Variants in RIMKLB observed in about 807,000 individuals in gnomAD.
RIMKLB encodes beta-citrylglutamate synthase B.
In RIMKLB, 7 loss-of-function variants were observed where a neutral mutation model predicts 32.0. The ratio of observed to expected loss-of-function variants is 0.22; its 90% CI spans 0.12 to 0.41. The LOEUF is 0.41. Among genes scored for constraint, RIMKLB ranks in the 10% least tolerant of loss-of-function variants. The pLI, the probability that RIMKLB is intolerant of heterozygous loss-of-function variation, is 1.00. For synonymous variants in RIMKLB, 172 were observed against 185.1 expected (o/e 0.93, Z 0.57); for missense variants, 289 against 498.7 (o/e 0.58, Z 4.00).
rs185995918 is a variant in RIMKLB at position 8,762,751 on chromosome 12, G to C, written c.697+8658G>C. Among the ~76,000 whole-genome samples the C allele has an allele frequency of 3.5e-3, 539 of 152,298 alleles. 1 individual carries two copies. The highest frequency in any genetic ancestry group is 5.6e-3 in the Non-Finnish European group (381 of 68,020). On this transcript the variant is annotated intron_variant, in intron 5 of 5. Coordinates refer to ENST00000535829, the MANE Select transcript of RIMKLB (RefSeq NM_001297776.2). ...CCAGCTGAGCGCTAGTTCCTGGAGT[G>C]AGGGGGTTACTTTGAAGTATTCCAT... is the stretch of plus-strand genomic sequence containing the variant.
intron 2 of RIMKLB, among the ~76,000 whole-genome samples, chr12:8,715,228 C>CCTTTTTTTTTTTTTTTTTTTTT (rs1445737752): frequency 4.0e-5 from 5 of 123,740 alleles, no homozygotes; most frequent in African/African-American, 1.6e-4. Context: ...TGCTCTTGTT[C>CCTTTTTTTTTTTTTTTTTTTTT]TTTTTTTTTT....
intron 2 of RIMKLB, among the ~76,000 whole-genome samples, chr12:8,741,255 A>G (rs536802147): frequency 2.7e-5 from 4 of 149,948 alleles, no homozygotes; most frequent in African/African-American, 5.0e-5. Flanking sequence ...GTGTGTGTCT[A>G]TGGTCTTGGC....
chr12:8,720,545 C>G (rs753780739), intron 2 of RIMKLB, among the ~76,000 whole-genome samples: 1 of 151,892 alleles, frequency 6.6e-6, no homozygotes, highest in Non-Finnish European at 1.5e-5. Context: ...CATTATCCCT[C>G]GTGTGTGTGT....
chr12:8,670,581 A>G, the RIMKLB span, among the ~76,000 whole-genome samples: 13 of 152,266 alleles, frequency 8.5e-5, no homozygotes, highest in African/African-American at 3.1e-4. Context: ...TTTACAGAGT[A>G]CAGTCTCCCT....
chr12:8,716,223 A>AG (rs1222569349), intron 2 of RIMKLB, among the ~76,000 whole-genome samples: 3 of 152,162 alleles, frequency 2.0e-5, no homozygotes, highest in Non-Finnish European at 4.4e-5. Flanking sequence ...TAGGTTGAAA[A>AG]GGATCTAGGG....
intron 1 of RIMKLB, 120 bp from the exon 2 acceptor site, chr12:8,713,691 T>G (rs1663890046): frequency 1.6e-6 from 1 of 643,368 alleles, no homozygotes; most frequent in African/African-American, 1.8e-5. Flanking sequence ...ACAATATCTC[T>G]ACACGTGTTT....
intron 2 of RIMKLB, among the ~76,000 whole-genome samples, chr12:8,726,835 A>G (rs888903865): frequency 6.6e-6 from 1 of 152,142 alleles, no homozygotes. Flanking sequence ...TTAAATTAAC[A>G]TATCATGTTT....
At chr12:8,758,808 C>T (rs1034537189) in intron 5 of RIMKLB, among the ~76,000 whole-genome samples, 3 of 152,116 alleles carry the variant, frequency 2.0e-5, no homozygotes, top group Non-Finnish European at 4.4e-5. Flanking sequence ...TACTTTGTAA[C>T]GTGTTTAATT....
chr12:8,776,721 T>C lies in RIMKLB; in HGVS notation c.*2937T>C, dbSNP rs922889187. 3.0e-6 allele frequency: 3 copies of C among 985,272 alleles called. No homozygotes were observed. The highest frequency in any genetic ancestry group is 3.6e-6 in the Non-Finnish European group (3 of 829,902). 61.0% of individuals were successfully genotyped at this position (985,272 alleles called of 1,614,324 possible). A position where few individuals can be genotyped will look rare whatever the true frequency, so the allele number is the denominator to read the frequency against. ...AATTGATTGGTCATTTCTGCTGGCT[T>C]TTCTCCAATGAACATTGAAATCTTC... On this transcript the variant is annotated 3_prime_UTR_variant, in exon 6 of 6. Coordinates refer to ENST00000535829, the MANE Select transcript of RIMKLB (RefSeq NM_001297776.2).
intron 1 of RIMKLB, among the ~76,000 whole-genome samples, chr12:8,701,036 A>G (rs1203956567): frequency 6.6e-6 from 1 of 152,164 alleles, no homozygotes; most frequent in Non-Finnish European, 1.5e-5. Flanking sequence ...ACTGCACTCC[A>G]GCTTGGGCAA....
upstream of RIMKLB, among the ~76,000 whole-genome samples, chr12:8,693,244 C>T (rs972641838): frequency 1.3e-5 from 2 of 152,120 alleles, no homozygotes; most frequent in East Asian, 1.9e-4. Flanking sequence ...GAATCAGAGA[C>T]GTGGGGTTGA....
At chr12:8,685,579 G>A (rs1014705776) in intron 1 of RIMKLB, among the ~76,000 whole-genome samples, 2 of 148,060 alleles carry the variant, frequency 1.4e-5, no homozygotes, top group Admixed American at 6.6e-5. Flanking sequence ...AATATTTTGA[G>A]GATTTTTACA....
downstream of RIMKLB, chr12:8,779,197 C>T (rs1471883868): frequency 1.3e-5 from 2 of 152,202 alleles, no homozygotes; most frequent in Non-Finnish European, 2.9e-5. Context: ...AGTTAAACAA[C>T]CTCCAGTCAG....
chr12:8,750,112 T>A lies in RIMKLB; in HGVS notation c.406+20T>A. On this transcript the variant is annotated intron_variant, in intron 3 of 5. Coordinates refer to ENST00000535829, the MANE Select transcript of RIMKLB (RefSeq NM_001297776.2). Reference sequence around the variant, plus strand: ...CTTATGGTGAGCCTACTAAAGAGCATACATAGCCTGAATATTAACCACTGA... The same window carrying A: ...CTTATGGTGAGCCTACTAAAGAGCAAACATAGCCTGAATATTAACCACTGA... The A allele has an allele frequency of 6.9e-7, 1 of 1,456,984 alleles. No individual in the cohort carries two copies. The highest frequency in any genetic ancestry group is 9.6e-7 in the Non-Finnish European group (1 of 1,039,012). The allele number at this position is 1,456,984 out of a possible 1,614,324, so 90.3% of individuals were successfully genotyped here.
In RIMKLB at chr12:8,754,049, T is replaced by TA. The variant is rs760713274; in HGVS notation, c.654dup (p.Arg219ThrfsTer25). ...GGAGGCCGTGTGGTTGGCACCATGTTACGTTGTTCAACAGATGGGAGAATG... is the reference window on the plus strand; with the variant it reads ...GGAGGCCGTGTGGTTGGCACCATGTTAACGTTGTTCAACAGATGGGAGAATG... On this transcript the variant is annotated frameshift_variant, in exon 5 of 6. Coordinates refer to ENST00000535829, the MANE Select transcript of RIMKLB (RefSeq NM_001297776.2). LOFTEE classifies it high-confidence loss of function. The TA allele has an allele frequency of 6.2e-7, 1 of 1,614,026 alleles. No homozygotes were observed.
intron 5 of RIMKLB, among the ~76,000 whole-genome samples, chr12:8,771,547 A>T (rs1164438937): frequency 6.6e-6 from 1 of 152,214 alleles, no homozygotes; most frequent in Non-Finnish European, 1.5e-5. Context: ...TTTGTCTGAG[A>T]TATAATTCTT....
intron 1 of RIMKLB, among the ~76,000 whole-genome samples, chr12:8,709,615 C>G (rs377109287): frequency 6.6e-6 from 1 of 152,174 alleles, no homozygotes; most frequent in African/African-American, 2.4e-5. Context: ...GCTTGGGCAC[C>G]GAGGAAGGCT....
intron 2 of RIMKLB, among the ~76,000 whole-genome samples, chr12:8,745,835 C>T (rs1348304497): frequency 1.3e-5 from 2 of 148,946 alleles, no homozygotes; most frequent in South Asian, 2.1e-4. Flanking sequence ...GCTGGGATTA[C>T]AGGCGCCTGC....
Position 8,713,929 on chromosome 12 carries a change from T to C in RIMKLB, c.63T>C (p.Tyr21=). The C allele has an allele frequency of 1.2e-6, 2 of 1,614,108 alleles. No homozygotes were observed. The highest frequency in any genetic ancestry group is 1.7e-6 in the Non-Finnish European group (2 of 1,180,004). Residue 21 remains tyrosine, a synonymous_variant, in exon 2 of 6, where the codon TAT becomes TAC. Transcript: ENST00000535829. ...FLTDRRIRED[Y]PQKEILRALK... The stretch of plus-strand genomic sequence containing the variant: ...CAGATCGTCGCATCAGGGAAGACTA[T>C]CCTCAAAAAGAGATTTTACGAGCAT...
Sources: gnomAD v4.1 joint callset for allele counts (sites outside exome capture counted in the v4.1 genomes callset) on GRCh38, gnomAD v4.1.1 for gene constraint, MANE v1.5 for transcripts, NCBI Gene and HGNC (gene_info 2026-07-23, HGNC 2026-07-21) for gene names.